Variants in CDH13 observed in about 807,000 individuals in gnomAD.
The protein encoded by CDH13 is cadherin-13.
Under a neutral mutation model 63.8 loss-of-function variants are expected in CDH13, and 24 were observed. The ratio of observed to expected loss-of-function variants is 0.38; its 90% CI spans 0.27 to 0.53. The LOEUF (loss-of-function observed/expected upper bound fraction) is 0.53, where lower values mean the gene tolerates loss of function less well. Ranked by LOEUF, CDH13 falls within the 20% of genes least tolerant of loss-of-function variation. The pLI is 0.85. For synonymous variants in CDH13, 503 were observed against 355.3 expected (o/e 1.42, Z -4.67); for missense variants, 1,049 against 903.1 (o/e 1.16, Z -2.07).
intron 3 of CDH13, among the ~76,000 whole-genome samples, chr16:83,085,430 G>A (rs1050963665): frequency 1.7e-4 from 26 of 152,150 alleles, no homozygotes; most frequent in Non-Finnish European, 1.3e-4. Context: ...TCCTCATGGT[G>A]TGCAAGATGG....
At chr16:82,906,168 T>C (rs1258378447) in intron 2 of CDH13, among the ~76,000 whole-genome samples, 1 of 152,190 alleles carries the variant, frequency 6.6e-6, no homozygotes, top group Non-Finnish European at 1.5e-5. Context: ...ATTTTCTTAA[T>C]GAAGATGGAG....
At chr16:82,832,499 A>T (rs181913411) in intron 1 of CDH13, among the ~76,000 whole-genome samples, 1 of 152,188 alleles carries the variant, frequency 6.6e-6, no homozygotes, top group East Asian at 1.9e-4. Flanking sequence ...TGGTTGTAAA[A>T]ATCTGGATGA....
At chr16:82,795,550 A>G (rs553866424) in intron 1 of CDH13, among the ~76,000 whole-genome samples, 124 of 152,292 alleles carry the variant, frequency 8.1e-4, no homozygotes, top group African/African-American at 2.7e-3. Flanking sequence ...AGTCAACCCT[A>G]TGAATTACAT....
intron 8 of CDH13, among the ~76,000 whole-genome samples, chr16:83,652,371 C>G (rs988805211): frequency 6.6e-6 from 1 of 152,152 alleles, no homozygotes; most frequent in Non-Finnish European, 1.5e-5. Context: ...GTGTCAATCT[C>G]CCTACAGCTC....
At chr16:82,963,581 A>T (rs1158440098) in intron 2 of CDH13, among the ~76,000 whole-genome samples, 1 of 151,994 alleles carries the variant, frequency 6.6e-6, no homozygotes. Context: ...TATAACTGTC[A>T]TTATATAACT....
At chr16:83,030,172 G>C (rs976319004) in intron 2 of CDH13, among the ~76,000 whole-genome samples, 2 of 152,106 alleles carry the variant, frequency 1.3e-5, no homozygotes, top group African/African-American at 4.8e-5. Flanking sequence ...TTCCATGGCA[G>C]GAACTTTGCT....
rs1273520402 is a variant in CDH13, at chr16:83,535,960, GAA to G, written c.960+49308_960+49309del. Among the ~76,000 whole-genome samples, 5 of 150,188 alleles carry G rather than the reference GAA, an allele frequency of 3.3e-5. No homozygotes were observed. The East Asian group carries it at 9.8e-4, about 29-fold the overall frequency. ...GAAAGGAAGGAAGGAAGGAAGAAAAGAAAAGAAAAGAAAAGAAAGAAACCCAT... is the reference window on the plus strand; with the variant it reads ...GAAAGGAAGGAAGGAAGGAAGAAAAGAAGAAAAGAAAAGAAAGAAACCCAT... On this transcript the variant is annotated intron_variant, in intron 7 of 13. Coordinates refer to ENST00000567109, the MANE Select transcript of CDH13 (RefSeq NM_001257.5).
chr16:83,389,777 C>T (rs976217943), intron 6 of CDH13, among the ~76,000 whole-genome samples: 3 of 152,136 alleles, frequency 2.0e-5, no homozygotes, highest in African/African-American at 4.8e-5. Context: ...GAAGTGGTTC[C>T]ACTTTGCCAG....
intron 3 of CDH13, among the ~76,000 whole-genome samples, chr16:83,065,948 A>G (rs114701879): frequency 4.1e-4 from 62 of 152,322 alleles, no homozygotes; most frequent in African/African-American, 1.5e-3. Flanking sequence ...TCATCCAAGA[A>G]GAATTGCAGT....
At position 83,078,150 on chromosome 16, in the gene CDH13, T is replaced by C. The variant is rs114440899; in HGVS notation, c.366+45932T>C. ...GGTTCGGGGGTCAACATCGGCAGAG[T>C]TTTGGGCAGAATTCATACACAGAAG... On this transcript the variant is annotated intron_variant, in intron 3 of 13. Transcript: ENST00000567109. 8.9e-3 allele frequency among the ~76,000 whole-genome samples: 1,351 copies of C among 151,496 alleles called. 25 individuals are homozygous for C. Among genetic ancestry groups the C allele is most frequent in the African/African-American group, 0.029 (1,215 of 41,260 alleles).
chr16:83,645,190 T>C (rs1391498502), intron 8 of CDH13, among the ~76,000 whole-genome samples: 1 of 152,226 alleles, frequency 6.6e-6, no homozygotes, highest in Non-Finnish European at 1.5e-5. Context: ...AGGTGGTGTA[T>C]ACACAGGTGA....
At chr16:82,679,817 T>C (rs1303331844) in intron 1 of CDH13, among the ~76,000 whole-genome samples, 1 of 152,214 alleles carries the variant, frequency 6.6e-6, no homozygotes, top group Non-Finnish European at 1.5e-5. Context: ...ATTTCAAAAA[T>C]GGGTTTGGAT....
intron 5 of CDH13, among the ~76,000 whole-genome samples, chr16:83,305,253 T>C (rs1488727632): frequency 2.6e-5 from 4 of 152,184 alleles, no homozygotes; most frequent in Non-Finnish European, 5.9e-5. Flanking sequence ...ATGACTTCAC[T>C]TTACTTAAGC....
chr16:83,445,156 C>T (rs2072639445), intron 6 of CDH13, among the ~76,000 whole-genome samples: 1 of 151,918 alleles, frequency 6.6e-6, no homozygotes, highest in Admixed American at 6.6e-5. Context: ...ACTACTCTCT[C>T]ATTTAATCCT....
intron 5 of CDH13, among the ~76,000 whole-genome samples, chr16:83,219,627 AG>A (rs2039638202): frequency 6.6e-6 from 1 of 152,224 alleles, no homozygotes; most frequent in Non-Finnish European, 1.5e-5. Context: ...GAAAACCCAA[AG>A]GATTCCAAGT....
intron 4 of CDH13, among the ~76,000 whole-genome samples, chr16:83,185,596 A>C (rs1453024968): frequency 2.0e-5 from 3 of 152,216 alleles, no homozygotes; most frequent in Admixed American, 6.5e-5. Context: ...TCATCTAAGG[A>C]ATTTTCCCCA....
At chr16:83,214,077 G>T (rs1424185003) in intron 4 of CDH13, among the ~76,000 whole-genome samples, 1 of 152,104 alleles carries the variant, frequency 6.6e-6, no homozygotes, top group Admixed American at 6.5e-5. Context: ...CCCCAAGGCA[G>T]CAGCGACAAC....
At chr16:83,150,215 C>T (rs7191964) in intron 4 of CDH13, among the ~76,000 whole-genome samples, 8,327 of 152,222 alleles carry the variant, frequency 0.055, 747 homozygotes, top group African/African-American at 0.19. Flanking sequence ...ATCCAATCTC[C>T]ATCCACCAAT....
chr16:82,750,365 A>G (rs2034360179), intron 1 of CDH13, among the ~76,000 whole-genome samples: 1 of 152,162 alleles, frequency 6.6e-6, no homozygotes, highest in South Asian at 2.1e-4. Context: ...ACTAAGCCCA[A>G]GTGTGTGCCT....
Sources: gnomAD v4.1 joint callset for allele counts (sites outside exome capture counted in the v4.1 genomes callset) on GRCh38, gnomAD v4.1.1 for gene constraint, MANE v1.5 for transcripts, NCBI Gene and HGNC (gene_info 2026-07-23, HGNC 2026-07-21) for gene names.